Variants in GOLGB1 observed in about 807,000 individuals in gnomAD.
GOLGB1 encodes the protein golgin B1.
Under a neutral mutation model 336.9 loss-of-function variants are expected in GOLGB1, and 174 were observed. The observed-to-expected ratio is 0.52, with a 90% CI of 0.46 to 0.59. The LOEUF (loss-of-function observed/expected upper bound fraction) is 0.59. GOLGB1 is among the 20% of genes least tolerant of loss of function. The pLI, the probability that GOLGB1 is intolerant of heterozygous loss-of-function variation, is 0.00. For synonymous variants in GOLGB1, 1,208 were observed against 1,289.2 expected, an observed-to-expected ratio of 0.94 and a Z score of 1.35; for missense variants, 3,331 against 3,645.3, an observed-to-expected ratio of 0.91 and a Z score of 2.22.
rs774526213 is a variant in GOLGB1, at chr3:121,729,322, C to T, written c.268G>A (p.Asp90Asn). The change falls in exon 4 of 22, where the codon GAT becomes AAT. Residue 90 changes from aspartate to asparagine, a missense_variant. Asp to Asn is a conservative substitution (Grantham distance 23). Coordinates refer to ENST00000614479, the MANE Select transcript of GOLGB1 (RefSeq NM_001366282.2). ...EALQEERKAADNKIKKLKLHA... is the reference protein window; with the variant it reads ...EALQEERKAANNKIKKLKLHA... ...AGTTTTAGTTTTTTAATTTTGTTAT[C>T]AGCAGCTTTTCTCTCTTCCTGCCCA... is the stretch of plus-strand genomic sequence containing the variant. 6 of 1,612,500 alleles carry T rather than the reference C, an allele frequency of 3.7e-6. No individual in the cohort carries two copies. The highest frequency in any genetic ancestry group is 5.1e-6 in the Non-Finnish European group (6 of 1,179,012).
intron 10 of GOLGB1, among the ~76,000 whole-genome samples, chr3:121,705,190 T>G (rs961060626): frequency 6.6e-6 from 1 of 152,164 alleles, no homozygotes; most frequent in African/African-American, 2.4e-5. Context: ...ATTATGAAGA[T>G]TCTACCTTTT....
chr3:121,736,895 C>T (rs569856104), intron 1 of GOLGB1, among the ~76,000 whole-genome samples: 1 of 151,276 alleles, frequency 6.6e-6, no homozygotes, highest in Admixed American at 6.6e-5. Flanking sequence ...CAGAGTGAGA[C>T]CCTGCCTCTA....
chr3:121,686,263 T>C (rs978363778), intron 14 of GOLGB1, among the ~76,000 whole-genome samples: 1 of 151,604 alleles, frequency 6.6e-6, no homozygotes, highest in African/African-American at 2.4e-5. Flanking sequence ...CTATAAATAC[T>C]GCAGTTCATG....
At chr3:121,670,207 T>C (rs368254747) in intron 17 of GOLGB1, among the ~76,000 whole-genome samples, 2 of 152,370 alleles carry the variant, frequency 1.3e-5, no homozygotes, top group Non-Finnish European at 2.9e-5. Flanking sequence ...GTTTTAGCTG[T>C]GATTAGCCTC....
rs148580843 is a variant in GOLGB1, at chr3:121,708,191, C to G, written c.1405-5596G>C. Among the ~76,000 whole-genome samples the G allele has an allele frequency of 2.6e-4, 40 of 152,140 alleles. No homozygotes were observed. In the East Asian group the frequency reaches 7.5e-3, roughly 29 times the overall value. ...AAAGTGCATATACAACTTATATAAA[C>G]TTTTTAAAAATCTATAATGACAGAA... On this transcript the variant is annotated intron_variant, in intron 10 of 21. Transcript: ENST00000614479.
chr3:121,697,105 C>T lies in GOLGB1; in HGVS notation c.3418G>A (p.Gly1140Arg). 7 of 1,613,978 alleles carry T rather than the reference C, an allele frequency of 4.3e-6. No individual in the cohort carries two copies. The highest frequency in any genetic ancestry group is 2.2e-5 in the South Asian group (2 of 91,078). Residue 1140 changes from glycine (G) to arginine (R), a missense_variant, in exon 13 of 22, where the codon GGG becomes AGG. Physicochemically the swap from Gly to Arg is moderately radical, Grantham distance 125 (BLOSUM62 -2). Transcript: ENST00000614479. ...TCCTTTACAAGTGCTACGGAGTCCCCATCACTTGCATCCGTGTTACTTGTG... is the reference window on the plus strand; with the variant it reads ...TCCTTTACAAGTGCTACGGAGTCCCTATCACTTGCATCCGTGTTACTTGTG... ...LITSNTDASD[G>R]DSVALVKETV...
intron 14 of GOLGB1, among the ~76,000 whole-genome samples, chr3:121,686,916 T>C (rs1481679865): frequency 6.6e-6 from 1 of 151,978 alleles, no homozygotes; most frequent in Non-Finnish European, 1.5e-5. Context: ...GTAGATCAGT[T>C]TGGTGTGAAT....
chr3:121,688,254 T>G (rs1941973485), intron 14 of GOLGB1, among the ~76,000 whole-genome samples: 1 of 152,236 alleles, frequency 6.6e-6, no homozygotes, highest in South Asian at 2.1e-4. Context: ...TGGACTGTAC[T>G]GCTGCCATCT....
At chr3:121,725,929 C>T (rs929536937) in intron 5 of GOLGB1, among the ~76,000 whole-genome samples, 5 of 151,780 alleles carry the variant, frequency 3.3e-5, no homozygotes, top group Admixed American at 6.6e-5. Flanking sequence ...AGACCCTCAC[C>T]AGATGCAGTC....
At chr3:121,748,925 T>C (rs545490123) in intron 1 of GOLGB1, 7 of 985,036 alleles carry the variant, frequency 7.1e-6, no homozygotes, top group Non-Finnish European at 8.4e-6. Context: ...GTTGTGCAGA[T>C]TAAACATACT....
In GOLGB1 at chr3:121,668,116, T is replaced by C. The variant is rs1938904417; in HGVS notation, c.9364A>G (p.Lys3122Glu). 6.2e-7 allele frequency: 1 copy of C among 1,609,004 alleles called. No individual in the cohort carries two copies. Residue 3122 changes from lysine to glutamate, a missense_variant, in exon 19 of 22, where the codon AAG becomes GAG. Lys to Glu is a moderately conservative substitution (Grantham distance 56). Coordinates refer to ENST00000614479, the MANE Select transcript of GOLGB1 (RefSeq NM_001366282.2). ...IDVAPGAPQE[K>E]NGVHRKSDPE... ...TCACTCTTTCTGTGAACTCCATTCT[T>C]TTCCTGGGGAGCTCCTGGAGCAACA...
intron 1 of GOLGB1, among the ~76,000 whole-genome samples, chr3:121,747,166 A>ATATATC (rs1334886136): frequency 8.0e-6 from 1 of 124,368 alleles, no homozygotes; most frequent in Non-Finnish European, 1.7e-5. Flanking sequence ...ATATATATAT[A>ATATATC]TATATATATA....
chr3:121,719,775 A>G lies in GOLGB1; in HGVS notation c.649-7T>C. 6.3e-7 allele frequency: 1 copy of G among 1,590,808 alleles called. No homozygotes were observed. The highest frequency in any genetic ancestry group is 8.6e-7 in the Non-Finnish European group (1 of 1,169,588). On this transcript the variant is annotated splice_polypyrimidine_tract_variant and splice_region_variant and intron_variant, in intron 6 of 21. Coordinates refer to ENST00000614479, the MANE Select transcript of GOLGB1 (RefSeq NM_001366282.2). ...CCTGCTGCATGGAACTCAACTGAAG[A>G]CACATACCAGAGAAACTATGCAAGT...
At chr3:121,715,204 C>CTTTTTTTT in intron 9 of GOLGB1, among the ~76,000 whole-genome samples, 1 of 133,612 alleles carries the variant, frequency 7.5e-6, no homozygotes, top group Non-Finnish European at 1.6e-5. Context: ...GGCCTAGGCA[C>CTTTTTTTT]TTTTTTTTTT....
chr3:121,685,533 CTAAATAAATAAATAAA>C (rs113841968), intron 14 of GOLGB1, among the ~76,000 whole-genome samples: 41 of 145,652 alleles, frequency 2.8e-4, no homozygotes, highest in African/African-American at 5.1e-4. Flanking sequence ...GACTCTGTTT[CTAAATAAATAAATAAA>C]TAAATAAATA....
chr3:121,665,084 A>G, intron 20 of GOLGB1, 53 bp from the exon 21 acceptor site: 2 of 980,436 alleles, frequency 2.0e-6, no homozygotes, highest in Non-Finnish European at 3.3e-6. Flanking sequence ...TGAGAGGCTG[A>G]TCAGGCCCAG....
At chr3:121,678,604 G>A (rs190249189) in intron 15 of GOLGB1, among the ~76,000 whole-genome samples, 2 of 150,566 alleles carry the variant, frequency 1.3e-5, no homozygotes, top group Non-Finnish European at 3.0e-5. Context: ...GTCTCACTCT[G>A]TTGCCCAGGT....
At chr3:121,693,454 T>A (rs1330611707) in intron 13 of GOLGB1, among the ~76,000 whole-genome samples, 1 of 152,106 alleles carries the variant, frequency 6.6e-6, no homozygotes, top group Non-Finnish European at 1.5e-5. Context: ...TGCCATTGCA[T>A]TCCAGCCTGG....
intron 17 of GOLGB1, among the ~76,000 whole-genome samples, chr3:121,674,683 T>G (rs1415145019): frequency 6.6e-6 from 1 of 152,174 alleles, no homozygotes; most frequent in African/African-American, 2.4e-5. Context: ...ATTCTCCTAT[T>G]TAGCTGGGAC....
Sources: allele counts gnomAD v4.1 joint callset (sites outside exome capture counted in the v4.1 genomes callset), GRCh38; gene constraint gnomAD v4.1.1; transcripts MANE v1.5; gene names NCBI Gene and HGNC (gene_info 2026-07-23, HGNC 2026-07-21).